Variants in SLC26A8 observed in about 807,000 individuals in gnomAD.
SLC26A8 encodes the protein testis anion transporter 1.
SLC26A8 carries 70 observed loss-of-function variants against 105.0 expected under a neutral mutation model. The observed-to-expected ratio is 0.67, with a 90% CI of 0.55 to 0.81. The LOEUF (loss-of-function observed/expected upper bound fraction) is 0.81. SLC26A8 is among the 40% of genes least tolerant of loss of function. SLC26A8 has a pLI of 0.00. For synonymous variants in SLC26A8, 415 were observed against 438.3 expected, an observed-to-expected ratio of 0.95 and a Z score of 0.66; for missense variants, 998 against 1,181.8, an observed-to-expected ratio of 0.84 and a Z score of 2.28.
At chr6:35,992,397 A>C in intron 6 of SLC26A8, 113 bp downstream of exon 6, 1 of 1,115,932 alleles carries the variant, frequency 9.0e-7, no homozygotes, top group Non-Finnish European at 1.3e-6. Flanking sequence ...TGAGCTGCCT[A>C]TAGGCTGTGT....
At chr6:36,013,800 G>T (rs751864977) in intron 2 of SLC26A8, among the ~76,000 whole-genome samples, 2 of 152,160 alleles carry the variant, frequency 1.3e-5, no homozygotes, top group Admixed American at 1.3e-4. Flanking sequence ...TAACTTTAAC[G>T]TAGTCAGGGC....
intron 12 of SLC26A8, among the ~76,000 whole-genome samples, chr6:35,962,158 G>A (rs935767429): frequency 9.2e-5 from 14 of 151,868 alleles, no homozygotes; most frequent in African/African-American, 1.5e-4. Flanking sequence ...CCCGGGAGGC[G>A]GAGGTTGCAG....
At chr6:35,956,427 C>T (rs1772062999) in intron 16 of SLC26A8, among the ~76,000 whole-genome samples, 1 of 60,618 alleles carries the variant, frequency 1.6e-5, no homozygotes, top group African/African-American at 5.9e-5. Flanking sequence ...GACCTTATGT[C>T]CAAAAAAAAA....
chr6:36,022,233 C>T (rs911278533), intron 1 of SLC26A8, among the ~76,000 whole-genome samples: 16 of 152,192 alleles, frequency 1.1e-4, no homozygotes, highest in South Asian at 6.2e-4. Context: ...TCCCAAATTG[C>T]TGGGATTACA....
intron 4 of SLC26A8, among the ~76,000 whole-genome samples, chr6:35,999,471 C>G (rs1761458114): frequency 6.6e-6 from 1 of 152,148 alleles, no homozygotes; most frequent in African/African-American, 2.4e-5. Context: ...ATTAGTCTGG[C>G]CTCTGTAATA....
At chr6:35,995,963 A>G (rs1298192206) in intron 5 of SLC26A8, among the ~76,000 whole-genome samples, 1 of 152,174 alleles carries the variant, frequency 6.6e-6, no homozygotes, top group South Asian at 2.1e-4. Context: ...TGTTTTTTAA[A>G]TTTTTGGTCT....
At position 35,955,015 on chromosome 6, in the gene SLC26A8, T is replaced by G. The variant is rs942107159; in HGVS notation, c.2232+137A>C. 5.4e-6 allele frequency: 5 copies of G among 923,446 alleles called. No homozygotes were observed. The Admixed American group carries it at 8.4e-5, about 15-fold the overall frequency. 57.2% of individuals were successfully genotyped at this position (923,446 alleles called of 1,614,324 possible). ...TGATTGACCTTATATTGTACTGCCT[T>G]TGGTGTCCAAGGCTCTGGTGGCCTA... On this transcript the variant is annotated intron_variant, in intron 17 of 19. Transcript: ENST00000490799.
intron 3 of SLC26A8, among the ~76,000 whole-genome samples, chr6:36,003,151 A>G (rs1229187844): frequency 6.6e-6 from 1 of 152,138 alleles, no homozygotes; most frequent in Non-Finnish European, 1.5e-5. Context: ...TCATAAAGAT[A>G]TTCTCTTATG....
chr6:35,977,487 G>A, intron 8 of SLC26A8, 136 bp from the exon 9 acceptor site: 1 of 944,204 alleles, frequency 1.1e-6, no homozygotes, highest in Middle Eastern at 2.3e-4. Context: ...CGGAGTGATT[G>A]AGGCAGCAGC....
At chr6:35,953,580 C>T (rs1771952593) in intron 17 of SLC26A8, among the ~76,000 whole-genome samples, 1 of 152,060 alleles carries the variant, frequency 6.6e-6, no homozygotes, top group South Asian at 2.1e-4. Flanking sequence ...CAGCCCAGGA[C>T]CAGGAGGGGA....
At chr6:35,959,869 T>C in intron 14 of SLC26A8, 63 bp from the exon 15 acceptor site, 2 of 1,252,322 alleles carry the variant, frequency 1.6e-6, no homozygotes, top group South Asian at 2.5e-5. Context: ...AAGAATAATA[T>C]ATCCTTAGAA....
rs1469222184 is a variant in SLC26A8, at chr6:36,019,699, T to C, written c.9A>G (p.Gln3=). The change falls in exon 2 of 20, where the codon CAA becomes CAG. Residue 3 remains glutamine (Q), a synonymous_variant. Transcript: ENST00000490799. Reference sequence around the variant, plus strand: ...AGCCAGAGATGGCGCTCCTCTCTAGTTGTGCCATTCCTGGATGAGTGGAAA... The same window carrying C: ...AGCCAGAGATGGCGCTCCTCTCTAGCTGTGCCATTCCTGGATGAGTGGAAA... MA[Q]LERSAISGFS... The C allele has an allele frequency of 2.5e-6, 4 of 1,612,668 alleles. No homozygotes were observed. Among genetic ancestry groups the C allele is most frequent in the East Asian group, 2.2e-5 (1 of 44,824 alleles).
At chr6:35,956,937 A>AG (rs1198209206) in intron 16 of SLC26A8, among the ~76,000 whole-genome samples, 1 of 142,918 alleles carries the variant, frequency 7.0e-6, no homozygotes, top group East Asian at 2.0e-4. Flanking sequence ...AAAAAAAAAA[A>AG]CAAAAGCTGG....
At chr6:35,952,969 A>C (rs933114736) in intron 17 of SLC26A8, among the ~76,000 whole-genome samples, 1 of 144,856 alleles carries the variant, frequency 6.9e-6, no homozygotes, top group African/African-American at 2.6e-5. Context: ...AGCCGAGATC[A>C]TGCCACTGCA....
intron 6 of SLC26A8, among the ~76,000 whole-genome samples, 188 bp downstream of exon 6, chr6:35,992,322 G>A (rs776252306): frequency 1.3e-5 from 2 of 152,134 alleles, no homozygotes; most frequent in Non-Finnish European, 2.9e-5. Context: ...GGTCTAACTG[G>A]CATCTGCAAT....
chr6:35,982,216 A>G lies in SLC26A8; in HGVS notation c.943-13T>C. The G allele has an allele frequency of 1.2e-6, 2 of 1,613,630 alleles. No individual in the cohort carries two copies. Among genetic ancestry groups the G allele is most frequent in the Non-Finnish European group, 1.7e-6 (2 of 1,179,672 alleles). ...TGAAGCCAATAATCTGTAGGGGGTA[A>G]AAAAAGAAGGGATGGGGGCATATGA... On this transcript the variant is annotated splice_polypyrimidine_tract_variant and intron_variant, in intron 7 of 19. Coordinates refer to ENST00000490799, the MANE Select transcript of SLC26A8 (RefSeq NM_052961.4).
chr6:36,016,591 C>T (rs1177566025), intron 2 of SLC26A8, among the ~76,000 whole-genome samples: 1 of 152,136 alleles, frequency 6.6e-6, no homozygotes, highest in Non-Finnish European at 1.5e-5. Context: ...TATTAAATAA[C>T]ACAATTTTGG....
intron 5 of SLC26A8, among the ~76,000 whole-genome samples, chr6:35,994,266 C>T (rs12664488): frequency 0.1 from 15,280 of 151,746 alleles, 920 homozygotes; most frequent in Middle Eastern, 0.15. Flanking sequence ...AGGCGCCCGC[C>T]ACCAAGCCCG....
At chr6:35,996,666 C>T (rs1254510088) in intron 5 of SLC26A8, among the ~76,000 whole-genome samples, 2 of 152,110 alleles carry the variant, frequency 1.3e-5, no homozygotes, top group African/African-American at 4.8e-5. Flanking sequence ...CCCACCTCAG[C>T]CTCCTGAGTA....
Sources: gnomAD v4.1 joint callset for allele counts (sites outside exome capture counted in the v4.1 genomes callset) on GRCh38, gnomAD v4.1.1 for gene constraint, MANE v1.5 for transcripts, NCBI Gene and HGNC (gene_info 2026-07-23, HGNC 2026-07-21) for gene names.